Variants in PCDH9 observed in about 807,000 individuals in gnomAD.
PCDH9 encodes protocadherin-9.
Under a neutral mutation model 70.6 loss-of-function variants are expected in PCDH9, and 24 were observed. The ratio of observed to expected loss-of-function variants is 0.34; its 90% CI spans 0.25 to 0.48. The LOEUF is 0.48. Among genes scored for constraint, PCDH9 ranks in the 20% least tolerant of loss-of-function variants. The probability of loss-of-function intolerance (pLI) is 0.99; values close to 1 mark genes in which losing one functional copy is unlikely to be tolerated. For missense variants in PCDH9, 1,281 were observed against 1,503.6 expected (o/e 0.85, Z 2.45); for synonymous variants, 562 against 558.5 (o/e 1.01, Z -0.09).
chr13:67,110,371 C>T (rs1178467419), intron 2 of PCDH9, among the ~76,000 whole-genome samples: 1 of 151,528 alleles, frequency 6.6e-6, no homozygotes, highest in Non-Finnish European at 1.5e-5. Context: ...AAAAATTAGC[C>T]GGGGTGGCAG....
chr13:67,182,787 G>C (rs1396260499), intron 2 of PCDH9, among the ~76,000 whole-genome samples: 1 of 152,022 alleles, frequency 6.6e-6, no homozygotes, highest in Non-Finnish European at 1.5e-5. Flanking sequence ...AATTTATTCT[G>C]GGGTACCCTC....
intron 2 of PCDH9, among the ~76,000 whole-genome samples, chr13:67,190,311 C>T (rs1404572760): frequency 6.6e-6 from 1 of 151,916 alleles, no homozygotes; most frequent in Non-Finnish European, 1.5e-5. Context: ...GGTAAAAACA[C>T]TAATTGTGAA....
chr13:66,913,606 C>T (rs1382847406), intron 2 of PCDH9, among the ~76,000 whole-genome samples: 1 of 151,892 alleles, frequency 6.6e-6, no homozygotes, highest in Non-Finnish European at 1.5e-5. Context: ...ACCAAAGGAT[C>T]TCCTCTGCTT....
chr13:66,732,355 T>C (rs1156237507), intron 3 of PCDH9, among the ~76,000 whole-genome samples: 1 of 151,922 alleles, frequency 6.6e-6, no homozygotes, highest in Non-Finnish European at 1.5e-5. Context: ...TGAAAACTTA[T>C]TAAAACTCAA....
intron 3 of PCDH9, among the ~76,000 whole-genome samples, chr13:66,761,622 C>T (rs2079628935): frequency 6.6e-6 from 1 of 152,002 alleles, no homozygotes; most frequent in Non-Finnish European, 1.5e-5. Context: ...ATCAATTCTG[C>T]TGATAATATG....
chr13:66,569,990 T>C (rs1462459986), intron 4 of PCDH9, among the ~76,000 whole-genome samples: 1 of 152,152 alleles, frequency 6.6e-6, no homozygotes, highest in Non-Finnish European at 1.5e-5. Context: ...TTATTCCTAA[T>C]AGGCAAAAAT....
chr13:66,567,843 G>T (rs1200725637), intron 4 of PCDH9, among the ~76,000 whole-genome samples: 1 of 152,090 alleles, frequency 6.6e-6, no homozygotes, highest in East Asian at 1.9e-4. Flanking sequence ...TGCTTATAAG[G>T]TTTCTGATGT....
chr13:66,494,027 GA>G (rs1274934290), intron 4 of PCDH9, among the ~76,000 whole-genome samples: 1 of 151,952 alleles, frequency 6.6e-6, no homozygotes, highest in African/African-American at 2.4e-5. Context: ...TAAGACTTAT[GA>G]ATTAAAAATA....
intron 4 of PCDH9, among the ~76,000 whole-genome samples, chr13:66,493,424 A>G (rs1470712744): frequency 6.6e-6 from 1 of 152,196 alleles, no homozygotes; most frequent in African/African-American, 2.4e-5. Context: ...GCACATATCT[A>G]TATGTTATTT....
At chr13:67,060,104 C>G (rs892057790) in intron 2 of PCDH9, among the ~76,000 whole-genome samples, 2 of 151,962 alleles carry the variant, frequency 1.3e-5, no homozygotes, top group Non-Finnish European at 2.9e-5. Context: ...ATCACTTGAT[C>G]TTCACTATGA....
At chr13:67,187,434 GT>G (rs1349351262) in intron 2 of PCDH9, among the ~76,000 whole-genome samples, 2 of 152,096 alleles carry the variant, frequency 1.3e-5, no homozygotes, top group Non-Finnish European at 1.5e-5. Context: ...TAGCTAGTGG[GT>G]TTCCTTAGAG....
intron 4 of PCDH9, among the ~76,000 whole-genome samples, chr13:66,367,948 G>A (rs922798347): frequency 6.6e-6 from 1 of 152,020 alleles, no homozygotes; most frequent in African/African-American, 2.4e-5. Flanking sequence ...GCAATCCTTA[G>A]ACATTTTCTA....
chr13:67,169,494 C>T (rs756933698), intron 2 of PCDH9, among the ~76,000 whole-genome samples: 2 of 152,144 alleles, frequency 1.3e-5, no homozygotes, highest in African/African-American at 2.4e-5. Context: ...TGTCTTTTGG[C>T]CTCTGTTAGC....
intron 4 of PCDH9, among the ~76,000 whole-genome samples, chr13:66,333,697 G>T (rs890248052): frequency 2.0e-5 from 3 of 152,102 alleles, no homozygotes; most frequent in Admixed American, 2.0e-4. Flanking sequence ...ATTAGAATAA[G>T]CATGAAGAAA....
At chr13:66,369,100 G>A (rs967150856) in intron 4 of PCDH9, among the ~76,000 whole-genome samples, 4 of 152,068 alleles carry the variant, frequency 2.6e-5, no homozygotes, top group Non-Finnish European at 4.4e-5. Flanking sequence ...TGGTTTGTTG[G>A]ATTTACAAGT....
intron 4 of PCDH9, among the ~76,000 whole-genome samples, chr13:66,442,443 A>G (rs1957991681): frequency 6.6e-6 from 1 of 152,128 alleles, no homozygotes; most frequent in African/African-American, 2.4e-5. Flanking sequence ...AGAAATGTGC[A>G]AAAATGATTT....
rs2077175162 is a variant in PCDH9 at position 66,602,469 on chromosome 13, T to C, written c.3340+28741A>G. 2.7e-5 allele frequency among the ~76,000 whole-genome samples: 4 copies of C among 145,548 alleles called. 1 individual carries two copies. The Admixed American group carries it at 2.8e-4, about 10-fold the overall frequency. ...ATAGGCCTAGATTAATGTGTGTGCTTGTGTCTTAGTTTTTAACAAACAAAT... is the reference window on the plus strand; with the variant it reads ...ATAGGCCTAGATTAATGTGTGTGCTCGTGTCTTAGTTTTTAACAAACAAAT... On this transcript the variant is annotated intron_variant, in intron 4 of 4. Transcript: ENST00000377865.
chr13:66,652,711 A>AT (rs2077870726), intron 3 of PCDH9, among the ~76,000 whole-genome samples: 1 of 152,194 alleles, frequency 6.6e-6, no homozygotes, highest in African/African-American at 2.4e-5. Context: ...GAATCACATT[A>AT]TCTGACTTCA....
chr13:66,590,687 G>A (rs1415091314), intron 4 of PCDH9, among the ~76,000 whole-genome samples: 3 of 151,808 alleles, frequency 2.0e-5, no homozygotes, highest in Non-Finnish European at 2.9e-5. Flanking sequence ...CACAGGTATA[G>A]TATAGGTTGA....
Sources: gnomAD v4.1 joint callset for allele counts (sites outside exome capture counted in the v4.1 genomes callset) on GRCh38, gnomAD v4.1.1 for gene constraint, MANE v1.5 for transcripts, NCBI Gene and HGNC (gene_info 2026-07-23, HGNC 2026-07-21) for gene names.